Variants in NALF1 observed in about 807,000 individuals in gnomAD.
The protein encoded by NALF1 is family with sequence similarity 155 member A.
In NALF1, 3 loss-of-function variants were observed where a neutral mutation model predicts 48.4. The ratio of observed to expected loss-of-function variants is 0.06; its 90% CI spans 0.03 to 0.16. NALF1 has a LOEUF of 0.16. Ranked by LOEUF, NALF1 falls within the 10% of genes least tolerant of loss-of-function variation. The probability of loss-of-function intolerance (pLI) is 1.00; values close to 1 mark genes in which losing one functional copy is unlikely to be tolerated. For synonymous variants in NALF1, 262 were observed against 245.7 expected, an observed-to-expected ratio of 1.07 and a Z score of -0.62; for missense variants, 526 against 571.5, an observed-to-expected ratio of 0.92 and a Z score of 0.81.
At chr13:107,593,344 T>A (rs1878651032) in intron 1 of NALF1, among the ~76,000 whole-genome samples, 2 of 151,930 alleles carry the variant, frequency 1.3e-5, no homozygotes, top group South Asian at 4.1e-4. Context: ...ATGGTTTTAT[T>A]ATTTAATTTT....
At chr13:107,583,245 G>T (rs753336221) in intron 1 of NALF1, among the ~76,000 whole-genome samples, 1 of 151,816 alleles carries the variant, frequency 6.6e-6, no homozygotes, top group Non-Finnish European at 1.5e-5. Context: ...TAAATTTTAA[G>T]ATTTACAATG....
chr13:107,205,398 T>C (rs1264470301), intron 2 of NALF1, among the ~76,000 whole-genome samples: 1 of 152,182 alleles, frequency 6.6e-6, no homozygotes, highest in Non-Finnish European at 1.5e-5. Flanking sequence ...GTGATCAATA[T>C]GTAGATCAAT....
At chr13:107,735,042 G>C (rs369836114) in intron 1 of NALF1, among the ~76,000 whole-genome samples, 1 of 152,088 alleles carries the variant, frequency 6.6e-6, no homozygotes, top group African/African-American at 2.4e-5. Flanking sequence ...GCAGATTGGA[G>C]AGCCTGCCTT....
intron 1 of NALF1, among the ~76,000 whole-genome samples, chr13:107,464,931 C>T (rs993812519): frequency 6.6e-6 from 1 of 152,010 alleles, no homozygotes; most frequent in African/African-American, 2.4e-5. Context: ...TAAGTATTAC[C>T]TAATCTGATC....
intron 1 of NALF1, among the ~76,000 whole-genome samples, chr13:107,755,464 T>C (rs937014235): frequency 1.1e-4 from 16 of 151,770 alleles, no homozygotes; most frequent in Non-Finnish European, 1.9e-4. Flanking sequence ...TATGAGTTTA[T>C]CCAAAATGTC....
In NALF1 at chr13:107,421,631, G is replaced by A. The variant is rs556813440; in HGVS notation, c.916-210876C>T. ...CATAGAAAACCAGAAAGACAAACGA[G>A]AGGGTAGTTATGCTCTGATTTTATA... is the stretch of plus-strand genomic sequence containing the variant. On this transcript the variant is annotated intron_variant, in intron 1 of 2. Coordinates refer to ENST00000375915, the MANE Select transcript of NALF1 (RefSeq NM_001080396.3). 1.5e-4 allele frequency among the ~76,000 whole-genome samples: 23 copies of A among 152,190 alleles called. 1 individual carries two copies. The South Asian group carries it at 4.4e-3, about 29-fold the overall frequency.
intron 1 of NALF1, among the ~76,000 whole-genome samples, chr13:107,450,307 A>G (rs534717824): frequency 1.3e-5 from 2 of 152,286 alleles, no homozygotes; most frequent in South Asian, 2.1e-4. Context: ...GGAAAACAAG[A>G]AAGTGCCCAT....
intron 1 of NALF1, among the ~76,000 whole-genome samples, chr13:107,424,494 C>T (rs79922189): frequency 2.6e-5 from 4 of 152,222 alleles, no homozygotes; most frequent in African/African-American, 9.6e-5. Context: ...GGGATACTGG[C>T]ATTTCTATTT....
intron 1 of NALF1, among the ~76,000 whole-genome samples, chr13:107,718,874 C>T (rs868803660): frequency 2.6e-5 from 4 of 152,288 alleles, no homozygotes; most frequent in Middle Eastern, 3.4e-3. Context: ...ACCTAATAGC[C>T]ACATGTGGCC....
At chr13:107,451,083 G>C (rs1220802231) in intron 1 of NALF1, among the ~76,000 whole-genome samples, 2 of 152,176 alleles carry the variant, frequency 1.3e-5, no homozygotes, top group Non-Finnish European at 2.9e-5. Flanking sequence ...GAGGCAATTA[G>C]GATGACTGTG....
At chr13:107,374,200 G>C (rs561202615) in intron 1 of NALF1, among the ~76,000 whole-genome samples, 4 of 152,166 alleles carry the variant, frequency 2.6e-5, no homozygotes, top group Non-Finnish European at 5.9e-5. Flanking sequence ...AGTCAACCTG[G>C]ACCAGTCACC....
chr13:107,531,736 TTTG>T (rs1475300371), intron 1 of NALF1, among the ~76,000 whole-genome samples: 2 of 152,216 alleles, frequency 1.3e-5, no homozygotes, highest in East Asian at 1.9e-4. Context: ...CTCATCTTCT[TTTG>T]TTGTTGTTTG....
chr13:107,414,737 C>T (rs1410069979), intron 1 of NALF1, among the ~76,000 whole-genome samples: 1 of 151,806 alleles, frequency 6.6e-6, no homozygotes, highest in Non-Finnish European at 1.5e-5. Flanking sequence ...TTTTATCATA[C>T]AGATTATTTC....
chr13:107,544,189 C>T (rs1028758045), intron 1 of NALF1, among the ~76,000 whole-genome samples: 1 of 152,146 alleles, frequency 6.6e-6, no homozygotes, highest in Non-Finnish European at 1.5e-5. Context: ...AATAAGCTAT[C>T]TCTTTCACTC....
intron 1 of NALF1, among the ~76,000 whole-genome samples, chr13:107,846,191 G>A (rs905684807): frequency 2.0e-5 from 3 of 152,088 alleles, no homozygotes; most frequent in African/African-American, 7.2e-5. Flanking sequence ...CAAGCGTCCT[G>A]TATCACTTTT....
chr13:107,477,061 G>A (rs1885185661), intron 1 of NALF1, among the ~76,000 whole-genome samples: 1 of 152,042 alleles, frequency 6.6e-6, no homozygotes, highest in South Asian at 2.1e-4. Flanking sequence ...TGAAATAAAA[G>A]TCATCTTTGT....
At chr13:107,484,045 G>A (rs1885291960) in intron 1 of NALF1, among the ~76,000 whole-genome samples, 1 of 151,934 alleles carries the variant, frequency 6.6e-6, no homozygotes, top group Non-Finnish European at 1.5e-5. Flanking sequence ...GGAAAAGTCA[G>A]CATTAAATGT....
intron 1 of NALF1, among the ~76,000 whole-genome samples, chr13:107,223,288 A>G (rs1487310424): frequency 6.6e-6 from 1 of 152,200 alleles, no homozygotes; most frequent in African/African-American, 2.4e-5. Context: ...ACACATATAT[A>G]TAAGAAAGTC....
At chr13:107,859,746 T>C (rs1054299471) in intron 1 of NALF1, among the ~76,000 whole-genome samples, 18 of 151,732 alleles carry the variant, frequency 1.2e-4, no homozygotes, top group African/African-American at 4.1e-4. Flanking sequence ...CTACTAAAAA[T>C]ACAAAAACTA....
Sources: allele counts gnomAD v4.1 joint callset (sites outside exome capture counted in the v4.1 genomes callset), GRCh38; gene constraint gnomAD v4.1.1; transcripts MANE v1.5; gene names NCBI Gene and HGNC (gene_info 2026-07-23, HGNC 2026-07-21).